PDE5A: variants seen among roughly 807,000 people sequenced by gnomAD.
PDE5A encodes phosphodiesterase 5A, also known as cGMP-specific 3',5'-cyclic phosphodiesterase.
In PDE5A, 67 loss-of-function variants were observed where a neutral mutation model predicts 110.2. The ratio of observed to expected loss-of-function variants is 0.61; its 90% CI spans 0.50 to 0.75. The LOEUF is 0.75. PDE5A is among the 30% of genes least tolerant of loss of function. PDE5A has a pLI of 0.00. For synonymous variants in PDE5A, 328 were observed against 351.2 expected (o/e 0.93, Z 0.74); for missense variants, 862 against 1,045.1 (o/e 0.82, Z 2.42).
chr4:119,546,015 T>C (rs1286167205), intron 9 of PDE5A, among the ~76,000 whole-genome samples: 1 of 152,308 alleles, frequency 6.6e-6, no homozygotes, highest in African/African-American at 2.4e-5. Flanking sequence ...TATAGTGCCT[T>C]GCTTTTAAAA....
intron 13 of PDE5A, among the ~76,000 whole-genome samples, chr4:119,519,964 G>T (rs911919095): frequency 2.0e-5 from 3 of 152,014 alleles, no homozygotes; most frequent in African/African-American, 7.2e-5. Flanking sequence ...ATACTCATTG[G>T]AATATTTTGG....
intron 9 of PDE5A, chr4:119,550,395 T>G (rs373746240): frequency 6.6e-6 from 1 of 152,250 alleles, no homozygotes; most frequent in South Asian, 2.1e-4. Context: ...GATCACAGAA[T>G]GTGAATTTTG....
chr4:119,565,584 C>T (rs975618480), intron 4 of PDE5A, among the ~76,000 whole-genome samples, 174 bp from the exon 5 acceptor site: 1 of 151,940 alleles, frequency 6.6e-6, no homozygotes, highest in Non-Finnish European at 1.5e-5. Context: ...GGAATAGTCT[C>T]CTAAGGTATA....
chr4:119,506,023 GAAAA>G (rs201397590), intron 16 of PDE5A, 91 bp from the exon 17 acceptor site: 1 of 595,058 alleles, frequency 1.7e-6, no homozygotes, highest in Non-Finnish European at 2.8e-6. Flanking sequence ...AAATTTTGGT[GAAAA>G]AAAACCTCTG....
chr4:119,535,380 C>A (rs1726694232), intron 11 of PDE5A, among the ~76,000 whole-genome samples: 1 of 152,104 alleles, frequency 6.6e-6, no homozygotes, highest in Non-Finnish European at 1.5e-5. Flanking sequence ...TGTAAAACCT[C>A]CCAGCCTTCC....
In PDE5A at chr4:119,497,345, C is replaced by T. The variant is rs1366402961; in HGVS notation, c.*1256G>A. 6.6e-6 allele frequency: 1 copy of T among 152,064 alleles called. No individual in the cohort carries two copies. Among genetic ancestry groups the T allele is most frequent in the Non-Finnish European group, 1.5e-5 (1 of 67,982 alleles). The allele number at this position is 152,064 out of a possible 1,614,324, so 9.4% of individuals were successfully genotyped here. ...GAGTAAATGTGTCTTTAGGGGCACACATGTAGAATATTAATCCACTTAAAT... is the reference window on the plus strand; with the variant it reads ...GAGTAAATGTGTCTTTAGGGGCACATATGTAGAATATTAATCCACTTAAAT... On this transcript the variant is annotated 3_prime_UTR_variant, in exon 21 of 21. Coordinates refer to ENST00000354960, the MANE Select transcript of PDE5A (RefSeq NM_001083.4).
intron 14 of PDE5A, among the ~76,000 whole-genome samples, chr4:119,516,493 A>C (rs1432538084): frequency 6.6e-6 from 1 of 152,230 alleles, no homozygotes; most frequent in East Asian, 1.9e-4. Context: ...ATGCAGACCT[A>C]ATGCAGGTAA....
intron 16 of PDE5A, 109 bp from the exon 17 acceptor site, chr4:119,506,041 T>G: frequency 1.9e-6 from 1 of 522,878 alleles, no homozygotes; most frequent in East Asian, 3.4e-5. Flanking sequence ...ACCTCTGATT[T>G]TTTTTCCCAT....
In PDE5A at chr4:119,511,226, A is replaced by T. The variant is rs943323782; in HGVS notation, c.2001-92T>A. 5.7e-6 allele frequency: 4 copies of T among 699,982 alleles called. No individual in the cohort carries two copies. In the Admixed American group the frequency reaches 9.0e-5, roughly 16 times the overall value. The allele number at this position is 699,982 out of a possible 1,614,324, so 43.4% of individuals were successfully genotyped here. A position where few individuals can be genotyped will look rare whatever the true frequency, so the allele number is the denominator to read the frequency against. On this transcript the variant is annotated intron_variant, in intron 14 of 20. Coordinates refer to ENST00000354960, the MANE Select transcript of PDE5A (RefSeq NM_001083.4). ...TTTTATTACTGTTTAACTACAAAAG[A>T]GGCTACTTCACAAAATTAATCAACT...
intron 11 of PDE5A, among the ~76,000 whole-genome samples, chr4:119,527,809 G>A (rs1726381294): frequency 6.6e-6 from 1 of 152,016 alleles, no homozygotes; most frequent in Non-Finnish European, 1.5e-5. Flanking sequence ...TACAGAGTCT[G>A]TAAAACAATA....
intron 1 of PDE5A, among the ~76,000 whole-genome samples, chr4:119,608,444 A>G (rs946459441): frequency 1.1e-4 from 16 of 152,184 alleles, no homozygotes; most frequent in Non-Finnish European, 1.5e-5. Flanking sequence ...TGGTGTCATT[A>G]CTCTAGACAT....
intron 3 of PDE5A, among the ~76,000 whole-genome samples, chr4:119,578,497 C>T (rs557138011): frequency 6.6e-6 from 1 of 152,132 alleles, no homozygotes; most frequent in African/African-American, 2.4e-5. Flanking sequence ...GAGATATAGA[C>T]CAATGGAACA....
intron 3 of PDE5A, among the ~76,000 whole-genome samples, chr4:119,579,656 C>T (rs1388888297): frequency 6.8e-6 from 1 of 147,044 alleles, no homozygotes; most frequent in African/African-American, 2.5e-5. Context: ...CACATGGACA[C>T]AGGAAGGGGA....
rs1417768222 is a variant in PDE5A, at chr4:119,494,697, A to G, written c.*3904T>C. ...TAGTATAAAAATAGTGCCAGAAACT[A>G]TATTTGTTCAAATATATTGAAAAGG... On this transcript the variant is annotated 3_prime_UTR_variant, in exon 21 of 21. Transcript: ENST00000354960. 2 of 152,606 alleles carry G rather than the reference A, an allele frequency of 1.3e-5. No individual in the cohort carries two copies. Among genetic ancestry groups the G allele is most frequent in the Admixed American group, 1.3e-4 (2 of 15,266 alleles). The allele number at this position is 152,606 out of a possible 1,614,324, so 9.5% of individuals were successfully genotyped here.
intron 15 of PDE5A, among the ~76,000 whole-genome samples, chr4:119,510,007 T>C (rs1725684807): frequency 6.6e-6 from 1 of 152,038 alleles, no homozygotes; most frequent in South Asian, 2.1e-4. Context: ...TATTCTCCCT[T>C]CCCATTCTCC....
chr4:119,602,057 T>C (rs1425869011), intron 2 of PDE5A, among the ~76,000 whole-genome samples: 3 of 152,146 alleles, frequency 2.0e-5, no homozygotes, highest in Non-Finnish European at 2.9e-5. Flanking sequence ...CTCTAAAGCT[T>C]ATTAATAGGA....
chr4:119,617,653 C>T (rs1729987528), intron 1 of PDE5A, among the ~76,000 whole-genome samples: 1 of 151,806 alleles, frequency 6.6e-6, no homozygotes, highest in South Asian at 2.1e-4. Flanking sequence ...ACATAATAAC[C>T]CTCACGAGTT....
intron 7 of PDE5A, 110 bp downstream of exon 7, chr4:119,560,186 C>T: frequency 1.6e-6 from 1 of 639,626 alleles, no homozygotes; most frequent in Non-Finnish European, 2.7e-6. Flanking sequence ...AGACAAGAGA[C>T]AATAAAATAA....
At chr4:119,566,996 C>A in intron 4 of PDE5A, 77 bp downstream of exon 4, 1 of 970,508 alleles carries the variant, frequency 1.0e-6, no homozygotes, top group Non-Finnish European at 1.6e-6. Context: ...TCAGCAACAG[C>A]TAAACCTAGA....
Sources: allele counts gnomAD v4.1 joint callset (sites outside exome capture counted in the v4.1 genomes callset), GRCh38; gene constraint gnomAD v4.1.1; transcripts MANE v1.5; gene names NCBI Gene and HGNC (gene_info 2026-07-23, HGNC 2026-07-21).